CTTN: variants seen among roughly 807,000 people sequenced by gnomAD.
CTTN encodes the protein src substrate cortactin.
CTTN carries 28 observed loss-of-function variants against 84.0 expected under a neutral mutation model. The observed-to-expected ratio is 0.33, with a 90% CI of 0.25 to 0.46. The LOEUF (loss-of-function observed/expected upper bound fraction) is 0.46. Among genes scored for constraint, CTTN ranks in the 20% least tolerant of loss-of-function variants. The pLI, the probability that CTTN is intolerant of heterozygous loss-of-function variation, is 1.00. For synonymous variants in CTTN, 301 were observed against 288.8 expected, an observed-to-expected ratio of 1.04 and a Z score of -0.43; for missense variants, 641 against 723.8, an observed-to-expected ratio of 0.89 and a Z score of 1.31.
Position 70,407,288 on chromosome 11 carries a change from G to C in CTTN, c.1-10G>C, listed in dbSNP as rs907718107. The C allele has an allele frequency of 1.7e-5, 26 of 1,549,740 alleles. No homozygotes were observed. Among genetic ancestry groups the C allele is most frequent in the East Asian group, 7.3e-5 (3 of 40,934 alleles). On this transcript the variant is annotated splice_polypyrimidine_tract_variant and intron_variant, in intron 2 of 17. Coordinates refer to ENST00000301843, the MANE Select transcript of CTTN (RefSeq NM_005231.4). ...GAGGCCTCCGTAACCCTCCCCGGCT[G>C]CTCTTTCAGATGTGGAAAGCTTCAG...
Position 70,422,938 on chromosome 11 carries a change from A to G in CTTN, c.902-2A>G. On this transcript the variant is annotated splice_acceptor_variant, in intron 11 of 17. Transcript: ENST00000301843. LOFTEE classifies it high-confidence loss of function. ...TAAGTGTTGTGTTTTGCCACGTTTCAGACTACTCCAAAGGATTCGGCGGGA... is the reference window on the plus strand; with the variant it reads ...TAAGTGTTGTGTTTTGCCACGTTTCGGACTACTCCAAAGGATTCGGCGGGA... The G allele has an allele frequency of 6.2e-7, 1 of 1,614,158 alleles. No homozygotes were observed. The highest frequency in any genetic ancestry group is 1.7e-5 in the Admixed American group (1 of 60,022).
At chr11:70,427,800 A>T (rs183847799) in intron 13 of CTTN, among the ~76,000 whole-genome samples, 89 of 152,378 alleles carry the variant, frequency 5.8e-4, no homozygotes, top group African/African-American at 2.1e-3. Flanking sequence ...TGCTGTCATC[A>T]TCTATTTCAT....
In CTTN at chr11:70,425,364, G is replaced by A. The variant is rs776852673; in HGVS notation, c.990G>A (p.Val330=). The A allele has an allele frequency of 1.2e-6, 2 of 1,612,840 alleles. No individual in the cohort carries two copies. Among genetic ancestry groups the A allele is most frequent in the South Asian group, 1.1e-5 (1 of 90,588 alleles). The change falls in exon 13 of 18, where the codon GTG becomes GTA. Residue 330 remains valine, a synonymous_variant. Coordinates refer to ENST00000301843, the MANE Select transcript of CTTN (RefSeq NM_005231.4). ...NASTFEDVTQ[V]SSAYQKTVPV... ...CAACCTTTGAGGATGTCACCCAGGT[G>A]TCCTCTGCCTACCAGAAGACAGTAC...
rs2058291412 is a variant in CTTN, at chr11:70,425,540, A to G, written c.1027+139A>G. The G allele has an allele frequency of 3.6e-5, 24 of 668,938 alleles. No homozygotes were observed. The South Asian group carries it at 4.1e-4, about 11-fold the overall frequency. 41.4% of individuals were successfully genotyped at this position (668,938 alleles called of 1,614,324 possible). A position where few individuals can be genotyped will look rare whatever the true frequency, so the allele number is the denominator to read the frequency against. On this transcript the variant is annotated intron_variant, in intron 13 of 17. Coordinates refer to ENST00000301843, the MANE Select transcript of CTTN (RefSeq NM_005231.4). ...TTGCTGCGTATTTTTGGGAAAGAAAATGATCGTTCTGATGAAGATCTTGTT... is the reference window on the plus strand; with the variant it reads ...TTGCTGCGTATTTTTGGGAAAGAAAGTGATCGTTCTGATGAAGATCTTGTT...
intron 7 of CTTN, among the ~76,000 whole-genome samples, chr11:70,416,522 C>T (rs2058163160): frequency 6.6e-6 from 1 of 152,198 alleles, no homozygotes. Context: ...ACCTGCGCCT[C>T]CTGGGTTCAA....
intron 1 of CTTN, among the ~76,000 whole-genome samples, chr11:70,400,850 C>CGCACTGCTTTG (rs2057970253): frequency 6.6e-6 from 1 of 152,138 alleles, no homozygotes. Context: ...CATCTGCTCA[C>CGCACTGCTTTG]GCACTGCTTT....
At chr11:70,422,485 G>T (rs778072959) in intron 11 of CTTN, 252 of 1,285,538 alleles carry the variant, frequency 2.0e-4, no homozygotes, top group Non-Finnish European at 2.4e-4. Flanking sequence ...ATTTCCACAT[G>T]GATTTTTTTT....
At chr11:70,421,393 C>T (rs752366232) in intron 10 of CTTN, 77 bp from the exon 11 acceptor site, 9 of 1,017,848 alleles carry the variant, frequency 8.8e-6, no homozygotes, top group Non-Finnish European at 1.4e-5. Context: ...TTGATTTTTG[C>T]GCATGCTCAT....
intron 1 of CTTN, among the ~76,000 whole-genome samples, chr11:70,398,939 G>T (rs1591424673): frequency 6.6e-6 from 1 of 151,708 alleles, no homozygotes; most frequent in East Asian, 2.0e-4. Flanking sequence ...CAGCTCTGAG[G>T]GGAGGGTCCC....
chr11:70,427,378 C>T (rs879724012), intron 13 of CTTN, among the ~76,000 whole-genome samples: 6 of 152,242 alleles, frequency 3.9e-5, no homozygotes, highest in Admixed American at 3.3e-4. Flanking sequence ...TATAACTGGC[C>T]ATGCACAGTG....
At chr11:70,431,446 T>G (rs1404814977) in intron 15 of CTTN, among the ~76,000 whole-genome samples, 166 bp downstream of exon 15, 2 of 151,514 alleles carry the variant, frequency 1.3e-5, no homozygotes, top group Non-Finnish European at 2.9e-5. Context: ...GCCTGGGGGG[T>G]GGGTGACATG....
At chr11:70,414,103 T>G (rs937354839) in intron 5 of CTTN, among the ~76,000 whole-genome samples, 3 of 151,718 alleles carry the variant, frequency 2.0e-5, no homozygotes, top group African/African-American at 7.3e-5. Context: ...CCCAGCACTT[T>G]GGGAGGCCGA....
At chr11:70,431,125 C>T in intron 14 of CTTN, 66 bp from the exon 15 acceptor site, 2 of 1,503,376 alleles carry the variant, frequency 1.3e-6, no homozygotes, top group Non-Finnish European at 9.3e-7. Flanking sequence ...TCTTCTGAAA[C>T]ACGGCAGGCG....
chr11:70,431,316 C>CT, intron 15 of CTTN, 36 bp downstream of exon 15: 1 of 1,598,764 alleles, frequency 6.3e-7, no homozygotes. Context: ...GCGTGAGTGA[C>CT]TTACTGCCAG....
chr11:70,405,727 A>G (rs959289372), intron 2 of CTTN, among the ~76,000 whole-genome samples: 5 of 152,114 alleles, frequency 3.3e-5, no homozygotes, highest in African/African-American at 1.2e-4. Context: ...ATGAGCAGAG[A>G]CTGTGCTCTG....
At chr11:70,405,683 C>T (rs1316884330) in intron 2 of CTTN, among the ~76,000 whole-genome samples, 1 of 152,180 alleles carries the variant, frequency 6.6e-6, no homozygotes, top group Non-Finnish European at 1.5e-5. Flanking sequence ...CGCAAGTGCC[C>T]ACCCCGCTCG....
At chr11:70,423,507 C>T (rs1421008163) in intron 12 of CTTN, among the ~76,000 whole-genome samples, 2 of 152,198 alleles carry the variant, frequency 1.3e-5, no homozygotes, top group East Asian at 1.9e-4. Flanking sequence ...GTCCTTGCCT[C>T]GCAGCTGACC....
At chr11:70,424,773 T>C (rs887301609) in intron 12 of CTTN, among the ~76,000 whole-genome samples, 2 of 152,030 alleles carry the variant, frequency 1.3e-5, no homozygotes, top group Non-Finnish European at 2.9e-5. Context: ...CTCTGGTGGC[T>C]TCTGAGCCTC....
At chr11:70,402,803 T>C (rs2058002140) in intron 1 of CTTN, among the ~76,000 whole-genome samples, 1 of 152,160 alleles carries the variant, frequency 6.6e-6, no homozygotes, top group African/African-American at 2.4e-5. Flanking sequence ...ACGCACAAGT[T>C]TTTGTGTGCT....
Sources: allele counts gnomAD v4.1 joint callset (sites outside exome capture counted in the v4.1 genomes callset), GRCh38; gene constraint gnomAD v4.1.1; transcripts MANE v1.5; gene names NCBI Gene and HGNC (gene_info 2026-07-23, HGNC 2026-07-21).